ARMC3: variants seen among roughly 807,000 people sequenced by gnomAD.
ARMC3 encodes armadillo repeat-containing protein 3.
Under a neutral mutation model 90.3 loss-of-function variants are expected in ARMC3, and 74 were observed. That is an observed-to-expected ratio of 0.82 (90% confidence interval 0.68 to 0.99). ARMC3 has a LOEUF of 0.99. Ranked by LOEUF, ARMC3 falls within the 50% of genes least tolerant of loss-of-function variation. The pLI, the probability that ARMC3 is intolerant of heterozygous loss-of-function variation, is 0.00. For missense variants in ARMC3, 958 were observed against 1,042.8 expected (o/e 0.92, Z 1.12); for synonymous variants, 334 against 361.8 (o/e 0.92, Z 0.87).
At chr10:22,949,479 A>G (rs1834657487) in intron 3 of ARMC3, among the ~76,000 whole-genome samples, 3 of 152,228 alleles carry the variant, frequency 2.0e-5, no homozygotes, top group South Asian at 2.1e-4. Context: ...TGAAAAACAC[A>G]TAGGCTTTGA....
At chr10:22,975,715 T>C (rs1165865037) in intron 8 of ARMC3, among the ~76,000 whole-genome samples, 4 of 152,118 alleles carry the variant, frequency 2.6e-5, no homozygotes, top group Non-Finnish European at 1.5e-5. Flanking sequence ...TATGTCTAAG[T>C]CCCCCTCTCC....
chr10:23,030,996 A>G lies in ARMC3; in HGVS notation c.2246+200A>G. 7.4e-6 allele frequency: 4 copies of G among 538,140 alleles called. No individual in the cohort carries two copies. The South Asian group carries it at 1.1e-4, about 15-fold the overall frequency. The allele number at this position is 538,140 out of a possible 1,614,324, so 33.3% of individuals were successfully genotyped here. A position where few individuals can be genotyped will look rare whatever the true frequency, so the allele number is the denominator to read the frequency against. On this transcript the variant is annotated intron_variant, in intron 17 of 18. Transcript: ENST00000298032. ...ACGTTCACTAAGAATCAGAGATAGC[A>G]GCTGGAAATTGCTTCAAGAAAAATG... is the stretch of plus-strand genomic sequence containing the variant.
chr10:23,033,150 T>A, intron 18 of ARMC3, 127 bp downstream of exon 18: 1 of 880,560 alleles, frequency 1.1e-6, no homozygotes, highest in Non-Finnish European at 1.7e-6. Flanking sequence ...TATTTATATC[T>A]ACATATAAGT....
At chr10:23,002,159 C>G (rs545201862) in intron 12 of ARMC3, 104 bp downstream of exon 12, 2 of 1,461,558 alleles carry the variant, frequency 1.4e-6, no homozygotes, top group East Asian at 2.5e-5. Flanking sequence ...CCGCTGCTCT[C>G]TCAGTCCGCT....
At chr10:22,975,700 C>T (rs1363340761) in intron 8 of ARMC3, among the ~76,000 whole-genome samples, 1 of 151,890 alleles carries the variant, frequency 6.6e-6, no homozygotes, top group Admixed American at 6.6e-5. Context: ...AAAATTTTGC[C>T]GAAATATGTC....
At chr10:23,018,580 A>C (rs11013247) in intron 16 of ARMC3, among the ~76,000 whole-genome samples, 17,083 of 137,204 alleles carry the variant, frequency 0.12, 1,397 homozygotes, top group African/African-American at 0.25. Flanking sequence ...CCTGTGGCTC[A>C]ATCTCTGCTC....
intron 6 of ARMC3, chr10:22,960,756 T>C (rs1194438041): frequency 6.6e-6 from 1 of 152,250 alleles, no homozygotes; most frequent in African/African-American, 2.4e-5. Flanking sequence ...CTACAGACAG[T>C]CACAGTTCTG....
chr10:23,012,237 G>A (rs1838046671), intron 16 of ARMC3, among the ~76,000 whole-genome samples: 1 of 152,044 alleles, frequency 6.6e-6, no homozygotes, highest in Non-Finnish European at 1.5e-5. Flanking sequence ...TTGCTTTATT[G>A]TGATATTTGA....
At chr10:22,986,544 T>A in intron 10 of ARMC3, among the ~76,000 whole-genome samples, 1 of 123,326 alleles carries the variant, frequency 8.1e-6, no homozygotes. Flanking sequence ...AGAGTGAGAC[T>A]CCATCTCAAA....
intron 3 of ARMC3, among the ~76,000 whole-genome samples, chr10:22,950,955 T>TG (rs1013690676): frequency 6.0e-5 from 9 of 151,260 alleles, no homozygotes; most frequent in African/African-American, 1.7e-4. Flanking sequence ...TTTTTTTTTT[T>TG]GAGACAGAGT....
chr10:23,035,886 G>A (rs1412611611), intron 18 of ARMC3, among the ~76,000 whole-genome samples: 1 of 152,104 alleles, frequency 6.6e-6, no homozygotes, highest in African/African-American at 2.4e-5. Flanking sequence ...CTAAGCAGGT[G>A]ACCTTGTGTC....
At chr10:22,969,871 G>C (rs1478099197) in intron 8 of ARMC3, among the ~76,000 whole-genome samples, 1 of 152,116 alleles carries the variant, frequency 6.6e-6, no homozygotes, top group Non-Finnish European at 1.5e-5. Flanking sequence ...TCATTTTGAG[G>C]TGGTGAGTTT....
Position 23,008,862 on chromosome 10 carries a change from A to T in ARMC3, c.1976A>T (p.Asp659Val), listed in dbSNP as rs1453200403. ...GCTGGATTTGGATCTCCCATAGAAG[A>T]CAAATCAGAGCCAGCTTCTGGACGA... ...FSAGFGSPIE[D>V]KSEPASGRNT... Residue 659 changes from aspartate to valine, a missense_variant, in exon 16 of 19, where the codon GAC (aspartate) becomes GTC (valine). By Grantham distance (152) the Asp-to-Val change is radical (BLOSUM62 -3). Transcript: ENST00000298032. 1.2e-6 allele frequency: 2 copies of T among 1,613,868 alleles called. No individual in the cohort carries two copies. The highest frequency in any genetic ancestry group is 1.7e-6 in the Non-Finnish European group (2 of 1,179,940).
intron 7 of ARMC3, among the ~76,000 whole-genome samples, chr10:22,963,587 G>A (rs1018922010): frequency 6.6e-6 from 1 of 151,974 alleles, no homozygotes; most frequent in Non-Finnish European, 1.5e-5. Flanking sequence ...ATAAATAAAT[G>A]ACACAAAAGA....
At chr10:22,965,735 G>A (rs201134724) in intron 7 of ARMC3, among the ~76,000 whole-genome samples, 5 of 151,964 alleles carry the variant, frequency 3.3e-5, no homozygotes, top group African/African-American at 9.7e-5. Context: ...ATTAAATAAC[G>A]TCTTTTGATC....
Position 23,008,242 on chromosome 10 carries a change from A to G in ARMC3, c.1830-34A>G, listed in dbSNP as rs189242553. ...AACCATCTGTTGACAAATAATTTTA[A>G]TCTATATATAATTTTAAATGTGTAA... On this transcript the variant is annotated intron_variant, in intron 14 of 18. Transcript: ENST00000298032. 181 of 1,072,922 alleles carry G rather than the reference A, an allele frequency of 1.7e-4. 1 individual carries two copies. In the East Asian group the frequency reaches 4.6e-3, roughly 27 times the overall value. 66.5% of individuals were successfully genotyped at this position (1,072,922 alleles called of 1,614,324 possible).
At chr10:23,022,069 A>G (rs561014725) in intron 16 of ARMC3, among the ~76,000 whole-genome samples, 1 of 152,282 alleles carries the variant, frequency 6.6e-6, no homozygotes, top group East Asian at 1.9e-4. Flanking sequence ...AAAAATATGT[A>G]TATTTACATT....
intron 8 of ARMC3, among the ~76,000 whole-genome samples, chr10:22,979,136 G>C (rs981286733): frequency 5.3e-5 from 8 of 152,204 alleles, no homozygotes; most frequent in Non-Finnish European, 1.0e-4. Flanking sequence ...ATGAAGGAAA[G>C]CATCATTACA....
At chr10:22,956,177 C>T (rs1834929517) in intron 4 of ARMC3, among the ~76,000 whole-genome samples, 2 of 152,192 alleles carry the variant, frequency 1.3e-5, no homozygotes, top group Non-Finnish European at 2.9e-5. Context: ...TGTAGTCCTA[C>T]AAGCTGAGAG....
Sources: allele counts gnomAD v4.1 joint callset (sites outside exome capture counted in the v4.1 genomes callset), GRCh38; gene constraint gnomAD v4.1.1; transcripts MANE v1.5; gene names NCBI Gene and HGNC (gene_info 2026-07-23, HGNC 2026-07-21).